Variants in TRRAP observed in about 807,000 individuals in gnomAD.
The protein encoded by TRRAP is transformation/transcription domain associated protein.
In TRRAP, 41 loss-of-function variants were observed where a neutral mutation model predicts 438.8. The observed-to-expected ratio is 0.09, with a 90% CI of 0.07 to 0.12. The LOEUF (loss-of-function observed/expected upper bound fraction) is 0.12. Among genes scored for constraint, TRRAP ranks in the 10% least tolerant of loss-of-function variants. The pLI is 1.00. For synonymous variants in TRRAP, 1,994 were observed against 1,962.9 expected (o/e 1.02, Z -0.42); for missense variants, 3,122 against 5,055.1 (o/e 0.62, Z 11.60).
At chr7:98,884,515 G>A (rs1482413086) in intron 3 of TRRAP, among the ~76,000 whole-genome samples, 1 of 152,282 alleles carries the variant, frequency 6.6e-6, no homozygotes, top group East Asian at 1.9e-4. Flanking sequence ...GATTACAAAC[G>A]TGAGCCACCA....
At chr7:98,939,391 A>G (rs1790695061) in intron 30 of TRRAP, among the ~76,000 whole-genome samples, 1 of 152,240 alleles carries the variant, frequency 6.6e-6, no homozygotes, top group Non-Finnish European at 1.5e-5. Context: ...TGGAATGTAG[A>G]GAAATCTCTC....
intron 3 of TRRAP, among the ~76,000 whole-genome samples, chr7:98,887,514 G>A (rs73409103): frequency 0.012 from 1,826 of 152,074 alleles, 40 homozygotes; most frequent in African/African-American, 0.042. Context: ...CTCCCATACA[G>A]TGTTCTGTGT....
chr7:99,010,071 A>G lies in TRRAP; in HGVS notation c.10939-981A>G, dbSNP rs569069627. Among the ~76,000 whole-genome samples, 366 of 151,660 alleles carry G rather than the reference A, an allele frequency of 2.4e-3. 1 individual carries two copies. Among genetic ancestry groups the G allele is most frequent in the Non-Finnish European group, 4.0e-3 (271 of 67,882 alleles). On this transcript the variant is annotated intron_variant, in intron 70 of 72. Coordinates refer to ENST00000456197, the MANE Select transcript of TRRAP (RefSeq NM_001375524.1). ...CCTGGCTAATTTTTGTATTTTTAGGAGAGATGGGGTTTCACCATGTTGGCC... is the reference window on the plus strand; with the variant it reads ...CCTGGCTAATTTTTGTATTTTTAGGGGAGATGGGGTTTCACCATGTTGGCC...
At chr7:98,918,984 CAA>C (rs782343068) in intron 20 of TRRAP, among the ~76,000 whole-genome samples, 46 of 73,494 alleles carry the variant, frequency 6.3e-4, no homozygotes, top group African/African-American at 7.8e-4. Flanking sequence ...TAAACTGTCT[CAA>C]AAAAAAAAAA....
At chr7:98,960,228 A>C (rs767934263) in intron 45 of TRRAP, among the ~76,000 whole-genome samples, 1 of 152,214 alleles carries the variant, frequency 6.6e-6, no homozygotes, top group Non-Finnish European at 1.5e-5. Context: ...AGCTAGTCCC[A>C]AAATGCTAAT....
intron 47 of TRRAP, among the ~76,000 whole-genome samples, chr7:98,963,573 CG>C (rs1284309047): frequency 6.6e-6 from 1 of 152,030 alleles, no homozygotes; most frequent in East Asian, 1.9e-4. Flanking sequence ...TAGTCTCAGC[CG>C]TCTGCTCCAT....
intron 67 of TRRAP, among the ~76,000 whole-genome samples, chr7:99,002,839 C>T (rs945936157): frequency 3.3e-5 from 5 of 152,206 alleles, no homozygotes. Context: ...GGTGTTATCA[C>T]GCGTGGGCAG....
At chr7:98,967,301 C>A in intron 50 of TRRAP, 139 bp downstream of exon 50, 1 of 1,340,754 alleles carries the variant, frequency 7.5e-7, no homozygotes, top group East Asian at 2.3e-5. Flanking sequence ...ATTGTGTGAC[C>A]TACTTTGGTG....
Position 98,945,571 on chromosome 7 carries a change from G to A in TRRAP, c.4474-176G>A, listed in dbSNP as rs59481990. Among the ~76,000 whole-genome samples, 710 of 152,290 alleles carry A rather than the reference G, an allele frequency of 4.7e-3. 3 individuals carry two copies. The highest frequency in any genetic ancestry group is 0.011 in the African/African-American group (477 of 41,564). On this transcript the variant is annotated intron_variant, in intron 31 of 72. Transcript: ENST00000456197. The stretch of plus-strand genomic sequence containing the variant: ...GTCAGATGGGCCGTGTTTTGACATC[G>A]AAGGTGAAAGTGTGCTTTTTGCTGT...
chr7:98,914,744 A>C (rs1248638763), intron 18 of TRRAP, among the ~76,000 whole-genome samples: 25 of 147,306 alleles, frequency 1.7e-4, no homozygotes, highest in African/African-American at 6.2e-4. Flanking sequence ...AAAAAAAAAA[A>C]AAAGACAGAA....
At position 98,908,025 on chromosome 7, in the gene TRRAP, C is replaced by T. The variant is rs1193588362; in HGVS notation, c.1116-703C>T. Among the ~76,000 whole-genome samples the T allele has an allele frequency of 1.3e-5, 2 of 152,208 alleles. No homozygotes were observed. The highest frequency in any genetic ancestry group is 6.5e-5 in the Admixed American group (1 of 15,282). ...TCCTGTTTCTTCCATCTGGAAATTT[C>T]CCTGGATTTTTGCCTTATGGCCCCT... On this transcript the variant is annotated intron_variant, in intron 13 of 72. Coordinates refer to ENST00000456197, the MANE Select transcript of TRRAP (RefSeq NM_001375524.1). This position sits in a 1 kb window ranked among gnomAD's most constrained non-coding sequence, Gnocchi z 4.1.
intron 27 of TRRAP, among the ~76,000 whole-genome samples, chr7:98,933,774 T>A (rs964443097): frequency 6.6e-6 from 1 of 152,248 alleles, no homozygotes; most frequent in South Asian, 2.1e-4. Context: ...CATTAATCAC[T>A]GAAATGTGCC....
In TRRAP at chr7:98,910,217, T is replaced by TCCCCCCC; in HGVS notation, c.1512_1513insCCCCCCC (p.Ala505ProfsTer70). ...CTGCTCCCTCCCCAGCCCCTGTCCCTGCCCCACCTCCACCCCCGCCCCCAC... is the reference window on the plus strand; with the variant it reads ...CTGCTCCCTCCCCAGCCCCTGTCCCTCCCCCCCGCCCCACCTCCACCCCCGCCCCCAC... On this transcript the variant is annotated frameshift_variant, in exon 15 of 73. Transcript: ENST00000456197. LOFTEE classifies it high-confidence loss of function. 2 of 1,045,586 alleles carry TCCCCCCC rather than the reference T, an allele frequency of 1.9e-6. No homozygotes were observed. Among genetic ancestry groups the TCCCCCCC allele is most frequent in the East Asian group, 4.3e-5 (1 of 23,306 alleles). The allele number at this position is 1,045,586 out of a possible 1,614,324, so 64.8% of individuals were successfully genotyped here.
rs1554412802 is a variant in TRRAP, at chr7:98,931,385, A to G, written c.3592-20A>G. The G allele has an allele frequency of 6.2e-7, 1 of 1,610,028 alleles. No individual in the cohort carries two copies. The highest frequency in any genetic ancestry group is 1.3e-5 in the African/African-American group (1 of 74,866). On this transcript the variant is annotated intron_variant, in intron 25 of 72. Transcript: ENST00000456197. ...GGTGGCATCGCCCTGCTTTCATTCT[A>G]AGACATCCCTGACTTGCAGGTTTCC...
chr7:98,912,656 C>T (rs1183394923), intron 18 of TRRAP, among the ~76,000 whole-genome samples: 1 of 151,844 alleles, frequency 6.6e-6, no homozygotes, highest in Non-Finnish European at 1.5e-5. Flanking sequence ...TTGGATTACA[C>T]AAATAGGAGC....
chr7:98,992,329 C>G, intron 65 of TRRAP, 102 bp downstream of exon 65: 3 of 1,241,266 alleles, frequency 2.4e-6, no homozygotes, highest in Non-Finnish European at 3.5e-6. Flanking sequence ...CCCTGCAGCT[C>G]ACTCATAGCC....
At chr7:98,935,282 CCT>C (rs1554413962) in intron 27 of TRRAP, among the ~76,000 whole-genome samples, 2 of 152,044 alleles carry the variant, frequency 1.3e-5, no homozygotes, top group African/African-American at 2.4e-5. Context: ...AAAGTAACCC[CCT>C]GTTTTGAGGA....
chr7:99,012,159 C>T lies in TRRAP; in HGVS notation c.11426C>T (p.Ala3809Val). 6.2e-7 allele frequency: 1 copy of T among 1,614,262 alleles called. No individual in the cohort carries two copies. The highest frequency in any genetic ancestry group is 8.5e-7 in the Non-Finnish European group (1 of 1,180,042). ...GAGGACACGTCCTCTCCTCTCTCGG[C>T]CGCCGGGCAGCCAGAGAACATGGAC... ...TQEDTSSPLS[A>V]AGQPENMDSQ... Residue 3809 changes from alanine to valine, a missense_variant, in exon 73 of 73, where the codon GCC becomes GTC. Ala to Val is a moderately conservative substitution (Grantham distance 64). Transcript: ENST00000456197. This position sits in a 1 kb window ranked among gnomAD's most constrained non-coding sequence, Gnocchi z 5.9.
intron 67 of TRRAP, among the ~76,000 whole-genome samples, chr7:99,000,493 T>C (rs1793868562): frequency 6.6e-6 from 1 of 152,220 alleles, no homozygotes; most frequent in Non-Finnish European, 1.5e-5. Flanking sequence ...CTCCACAGTG[T>C]TTCCCTCCAG....
Sources: gnomAD v4.1 joint callset for allele counts (sites outside exome capture counted in the v4.1 genomes callset) on GRCh38, gnomAD v4.1.1 for gene constraint, Gnocchi (gnomAD v3.1) non-coding constraint, MANE v1.5 for transcripts, NCBI Gene and HGNC (gene_info 2026-07-23, HGNC 2026-07-21) for gene names.